The following FAM83B variants were observed in gnomAD, a reference collection of about 807,000 sequenced individuals.
The protein encoded by FAM83B is protein FAM83B.
Under a neutral mutation model 38.8 loss-of-function variants are expected in FAM83B, and 26 were observed. That is an observed-to-expected ratio of 0.67 (90% CI 0.49 to 0.93). The LOEUF is 0.93. Ranked by LOEUF, FAM83B falls within the 40% of genes least tolerant of loss-of-function variation. FAM83B has a pLI of 0.00. For synonymous variants in FAM83B, 419 were observed against 423.1 expected (o/e 0.99, Z 0.12); for missense variants, 1,237 against 1,197.3 (o/e 1.03, Z -0.49).
chr6:54,939,974 A>G lies in FAM83B; in HGVS notation c.1003A>G (p.Ser335Gly), dbSNP rs1561932094. 1 of 1,613,944 alleles carries G rather than the reference A, an allele frequency of 6.2e-7. No individual in the cohort carries two copies. Among genetic ancestry groups the G allele is most frequent in the Non-Finnish European group, 8.5e-7 (1 of 1,179,994 alleles). ...RQDKIHKLDSSYFKNRGIYTL... is the reference protein window; with the variant it reads ...RQDKIHKLDSGYFKNRGIYTL... ...AGACAAGATTCATAAACTAGATTCCAGTTACTTCAAAAACAGAGGGATATA... is the reference window on the plus strand; with the variant it reads ...AGACAAGATTCATAAACTAGATTCCGGTTACTTCAAAAACAGAGGGATATA... Residue 335 changes from serine (S) to glycine (G), a missense_variant, in exon 5 of 5, where the codon AGT (serine) becomes GGT (glycine). Transcript: ENST00000306858.
At chr6:54,878,070 A>G (rs1237190832) in intron 2 of FAM83B, among the ~76,000 whole-genome samples, 2 of 152,208 alleles carry the variant, frequency 1.3e-5, no homozygotes, top group African/African-American at 4.8e-5. Flanking sequence ...CTGAAAGGAA[A>G]TGCGTTTCTG....
rs745922707 is a variant in FAM83B at position 54,940,526 on chromosome 6, C to G, written c.1555C>G (p.Arg519Gly). The change falls in exon 5 of 5, where the codon CGA becomes GGA. Residue 519 changes from arginine (R) to glycine (G), a missense_variant. By Grantham distance (125) the Arg-to-Gly change is moderately radical. Coordinates refer to ENST00000306858, the MANE Select transcript of FAM83B (RefSeq NM_001010872.3). ...PDSNGSALGDRFEGYDNPENL... is the reference protein window; with the variant it reads ...PDSNGSALGDGFEGYDNPENL... ...CTCAAATGGATCAGCTTTAGGTGACCGATTTGAGGGCTATGATAATCCTGA... is the reference window on the plus strand; with the variant it reads ...CTCAAATGGATCAGCTTTAGGTGACGGATTTGAGGGCTATGATAATCCTGA... The G allele has an allele frequency of 6.2e-7, 1 of 1,613,846 alleles. No homozygotes were observed. The highest frequency in any genetic ancestry group is 1.3e-5 in the African/African-American group (1 of 74,856).
chr6:54,929,111 T>A (rs1230611171), intron 4 of FAM83B, among the ~76,000 whole-genome samples: 2 of 152,214 alleles, frequency 1.3e-5, no homozygotes, highest in Middle Eastern at 3.2e-3. Flanking sequence ...AAGTTCATTT[T>A]AAATATATTT....
At chr6:54,911,446 A>G (rs1772907446) in intron 2 of FAM83B, among the ~76,000 whole-genome samples, 1 of 152,124 alleles carries the variant, frequency 6.6e-6, no homozygotes, top group African/African-American at 2.4e-5. Context: ...CACAAATTGT[A>G]ATTTACTTTA....
At chr6:54,891,264 A>G (rs930320387) in intron 2 of FAM83B, among the ~76,000 whole-genome samples, 1 of 152,072 alleles carries the variant, frequency 6.6e-6, no homozygotes, top group African/African-American at 2.4e-5. Context: ...TGTCGTCCAC[A>G]TGACCAAGAC....
intron 2 of FAM83B, among the ~76,000 whole-genome samples, chr6:54,883,431 T>C (rs1466180074): frequency 2.7e-5 from 4 of 149,220 alleles, no homozygotes; most frequent in African/African-American, 7.4e-5. Context: ...GCCTCCCAGG[T>C]TCAAGTGATT....
chr6:54,876,412 C>T (rs533876937), intron 2 of FAM83B, among the ~76,000 whole-genome samples: 2 of 147,742 alleles, frequency 1.4e-5, no homozygotes, highest in East Asian at 2.0e-4. Flanking sequence ...CAACCTCTGT[C>T]CCCCCAGGTT....
At chr6:54,881,472 C>G (rs1772128800) in intron 2 of FAM83B, among the ~76,000 whole-genome samples, 1 of 151,786 alleles carries the variant, frequency 6.6e-6, no homozygotes, top group Non-Finnish European at 1.5e-5. Flanking sequence ...TGAACTCAAA[C>G]ACAGGCAATA....
At chr6:54,911,987 C>T (rs1168942700) in intron 2 of FAM83B, among the ~76,000 whole-genome samples, 4 of 151,984 alleles carry the variant, frequency 2.6e-5, no homozygotes, top group African/African-American at 9.7e-5. Flanking sequence ...TAATGTACTG[C>T]TCCAAGATAA....
At chr6:54,872,105 T>A (rs1771870666) in intron 2 of FAM83B, among the ~76,000 whole-genome samples, 1 of 152,186 alleles carries the variant, frequency 6.6e-6, no homozygotes, top group African/African-American at 2.4e-5. Flanking sequence ...CCTTTTGAGT[T>A]TAAATAACCT....
At chr6:54,852,580 G>A (rs1036791118) in intron 1 of FAM83B, among the ~76,000 whole-genome samples, 6 of 152,186 alleles carry the variant, frequency 3.9e-5, no homozygotes, top group Admixed American at 3.9e-4. Context: ...AATGTTCAAG[G>A]GAATGGAAGA....
Position 54,941,687 on chromosome 6 carries a change from G to A in FAM83B, c.2716G>A (p.Val906Ile), listed in dbSNP as rs774304684. 7 of 1,614,050 alleles carry A rather than the reference G, an allele frequency of 4.3e-6. No homozygotes were observed. Among genetic ancestry groups the A allele is most frequent in the Non-Finnish European group, 5.9e-6 (7 of 1,179,994 alleles). Residue 906 changes from valine to isoleucine, a missense_variant, in exon 5 of 5, where the codon GTT becomes ATT. Val to Ile is a conservative substitution (Grantham distance 29, BLOSUM62 3). Coordinates refer to ENST00000306858, the MANE Select transcript of FAM83B (RefSeq NM_001010872.3). ...AGATTCAAGGGAGATTAATGCAGTT[G>A]TTACCCCTGAAAGAAGACCTACTTC... ...YRDSREINAV[V>I]TPERRPTSSP...
At chr6:54,897,896 A>C (rs1041207135) in intron 2 of FAM83B, among the ~76,000 whole-genome samples, 2 of 152,172 alleles carry the variant, frequency 1.3e-5, no homozygotes, top group African/African-American at 2.4e-5. Flanking sequence ...ATCAAGTAAA[A>C]CAATTACTTG....
intron 2 of FAM83B, among the ~76,000 whole-genome samples, chr6:54,893,607 C>T (rs541693472): frequency 1.3e-5 from 2 of 152,088 alleles, no homozygotes; most frequent in Non-Finnish European, 2.9e-5. Flanking sequence ...GTCCAACATA[C>T]ATGAACCAAT....
At chr6:54,863,523 A>T (rs1771633932) in intron 1 of FAM83B, among the ~76,000 whole-genome samples, 1 of 152,242 alleles carries the variant, frequency 6.6e-6, no homozygotes, top group African/African-American at 2.4e-5. Context: ...AACCTGTGCC[A>T]TCTTACCAAC....
intron 1 of FAM83B, among the ~76,000 whole-genome samples, chr6:54,850,566 T>C (rs777538435): frequency 2.6e-5 from 4 of 152,062 alleles, no homozygotes; most frequent in South Asian, 2.1e-4. Context: ...CACTAAAGAG[T>C]GTCATCTTCC....
At chr6:54,919,323 G>T (rs1016770968) in intron 2 of FAM83B, among the ~76,000 whole-genome samples, 1 of 151,922 alleles carries the variant, frequency 6.6e-6, no homozygotes, top group Admixed American at 6.6e-5. Flanking sequence ...TATTTTTGTG[G>T]TATTAAGTAT....
rs1251904768 is a variant in FAM83B, at chr6:54,944,060, A to T, written c.*2053A>T. On this transcript the variant is annotated 3_prime_UTR_variant, in exon 5 of 5. Coordinates refer to ENST00000306858, the MANE Select transcript of FAM83B (RefSeq NM_001010872.3). ...AGATTTATTTTTCTCTGCGTTTTTT[A>T]AAAATTGTTTTTCTTGTATCTTTTT... is the stretch of plus-strand genomic sequence containing the variant. The T allele has an allele frequency of 6.6e-6, 1 of 152,096 alleles. No individual in the cohort carries two copies. Among genetic ancestry groups the T allele is most frequent in the Non-Finnish European group, 1.5e-5 (1 of 68,006 alleles). 9.4% of individuals were successfully genotyped at this position (152,096 alleles called of 1,614,324 possible). A position where few individuals can be genotyped will look rare whatever the true frequency, so the allele number is the denominator to read the frequency against.
In FAM83B at chr6:54,940,446, T is replaced by A. The variant is rs1390541505; in HGVS notation, c.1475T>A (p.Leu492Gln). Residue 492 changes from leucine (L) to glutamine (Q), a missense_variant, in exon 5 of 5, where the codon CTA (leucine) becomes CAA (glutamine). Coordinates refer to ENST00000306858, the MANE Select transcript of FAM83B (RefSeq NM_001010872.3). ...CTTGAACATACCACAAAGTCATTCC[T>A]ACGTAACTGGAGAATTGAATCCTAC... ...PTLEHTTKSF[L>Q]RNWRIESYLN... 1 of 1,614,122 alleles carries A rather than the reference T, an allele frequency of 6.2e-7. No individual in the cohort carries two copies. Among genetic ancestry groups the A allele is most frequent in the South Asian group, 1.1e-5 (1 of 91,082 alleles).
Sources: gnomAD v4.1 joint callset for allele counts (sites outside exome capture counted in the v4.1 genomes callset) on GRCh38, gnomAD v4.1.1 for gene constraint, MANE v1.5 for transcripts, NCBI Gene and HGNC (gene_info 2026-07-23, HGNC 2026-07-21) for gene names.